ATP1A1: variants seen among roughly 807,000 people sequenced by gnomAD.
ATP1A1 encodes the protein sodium/potassium-transporting ATPase subunit alpha-1.
In ATP1A1, 14 loss-of-function variants were observed where a neutral mutation model predicts 114.8. The observed-to-expected ratio is 0.12, with a 90% CI of 0.08 to 0.19. The LOEUF (loss-of-function observed/expected upper bound fraction) is 0.19. Among genes scored for constraint, ATP1A1 ranks in the 10% least tolerant of loss-of-function variants. The pLI, the probability that ATP1A1 is intolerant of heterozygous loss-of-function variation, is 1.00. For missense variants in ATP1A1, 524 were observed against 1,290.7 expected, an observed-to-expected ratio of 0.41 and a Z score of 9.10; for synonymous variants, 471 against 466.3, an observed-to-expected ratio of 1.01 and a Z score of -0.13.
At position 116,389,049 on chromosome 1, in the gene ATP1A1, G is replaced by C; in HGVS notation, c.754+30G>C. 1 of 1,570,918 alleles carries C rather than the reference G, an allele frequency of 6.4e-7. No homozygotes were observed. The highest frequency in any genetic ancestry group is 1.1e-5 in the South Asian group (1 of 90,052). On this transcript the variant is annotated intron_variant, in intron 7 of 22. Coordinates refer to ENST00000295598, the MANE Select transcript of ATP1A1 (RefSeq NM_000701.8). The surrounding 1 kb of genome is among the most constrained non-coding windows in gnomAD (Gnocchi z 6.9). ...GCCATTTTTGGGCACTTTGAGCATG[G>C]CGTGGTATTTCTCTTGGGCATTAAC...
In ATP1A1 at chr1:116,373,501, G is replaced by A; in HGVS notation, c.-11G>A. The A allele has an allele frequency of 2.0e-6, 3 of 1,505,190 alleles. No homozygotes were observed. Among genetic ancestry groups the A allele is most frequent in the Non-Finnish European group, 2.7e-6 (3 of 1,127,570 alleles). 93.2% of individuals were successfully genotyped at this position (1,505,190 alleles called of 1,614,324 possible). On this transcript the variant is annotated 5_prime_UTR_variant, in exon 1 of 23. Coordinates refer to ENST00000295598, the MANE Select transcript of ATP1A1 (RefSeq NM_000701.8). ...GACAGGACCCGGCGCCGGGCACTGA[G>A]CACCGCCACCATGGGGAAGGGGGTG... is the stretch of plus-strand genomic sequence containing the variant.
At chr1:116,379,005 G>A (rs777718461) in intron 1 of ATP1A1, among the ~76,000 whole-genome samples, 1 of 152,220 alleles carries the variant, frequency 6.6e-6, no homozygotes, top group Non-Finnish European at 1.5e-5. Flanking sequence ...CTTAATAACT[G>A]TAAAAGCAAA....
intron 21 of ATP1A1, among the ~76,000 whole-genome samples, chr1:116,403,473 C>G (rs1362380307): frequency 6.6e-6 from 1 of 152,156 alleles, no homozygotes; most frequent in Non-Finnish European, 1.5e-5. Flanking sequence ...ACTGGCAGGT[C>G]TTTATCTTCA....
Position 116,373,434 on chromosome 1 carries a change from C to T in ATP1A1, c.-78C>T, listed in dbSNP as rs11540947. 0.084 allele frequency: 122,876 copies of T among 1,464,764 alleles called. 12,073 individuals are homozygous for T. Among genetic ancestry groups the T allele is most frequent in the African/African-American group, 0.5 (33,768 of 67,336 alleles). The allele number at this position is 1,464,764 out of a possible 1,614,324, so 90.7% of individuals were successfully genotyped here. On this transcript the variant is annotated 5_prime_UTR_variant, in exon 1 of 23. Coordinates refer to ENST00000295598, the MANE Select transcript of ATP1A1 (RefSeq NM_000701.8). Reference sequence around the variant, plus strand: ...CTTGGCTCCCCTGGTCCCGCTCGCTCGGCCGGGAGCTGCTCTGTGCTTTTC... The same window carrying T: ...CTTGGCTCCCCTGGTCCCGCTCGCTTGGCCGGGAGCTGCTCTGTGCTTTTC...
intron 1 of ATP1A1, 148 bp downstream of exon 1, chr1:116,373,671 A>T: frequency 1.0e-6 from 1 of 981,042 alleles, no homozygotes; most frequent in Non-Finnish European, 1.3e-6. Context: ...GCGGCTTAAA[A>T]GACGACGCAG....
chr1:116,399,310 T>C lies in ATP1A1; in HGVS notation c.2449-110T>C, dbSNP rs186049733. ...GATGGGAATCTTTATTTTTGTATACTTCACCTAAAAGATTTTTAAATGGGA... is the reference window on the plus strand; with the variant it reads ...GATGGGAATCTTTATTTTTGTATACCTCACCTAAAAGATTTTTAAATGGGA... On this transcript the variant is annotated intron_variant, in intron 17 of 22. Transcript: ENST00000295598. The surrounding 1 kb of genome is among the most constrained non-coding windows in gnomAD (Gnocchi z 5.0). 252 of 1,457,518 alleles carry C rather than the reference T, an allele frequency of 1.7e-4. No homozygotes were observed. Among genetic ancestry groups the C allele is most frequent in the Admixed American group, 4.5e-4 (21 of 46,394 alleles). 90.3% of individuals were successfully genotyped at this position (1,457,518 alleles called of 1,614,324 possible).
intron 1 of ATP1A1, among the ~76,000 whole-genome samples, chr1:116,375,647 A>G (rs1322029247): frequency 2.0e-5 from 3 of 152,132 alleles, no homozygotes; most frequent in Non-Finnish European, 4.4e-5. Flanking sequence ...ATTAAACATT[A>G]GTTTACTTGT....
In ATP1A1 at chr1:116,392,998, T is replaced by C. The variant is rs765354539; in HGVS notation, c.1467+10T>C. Reference sequence around the variant, plus strand: ...CACCAACAAGTACCAGGTCTGAAGATCGATGGGTACACGGAGGGCGAGGGC... The same window carrying C: ...CACCAACAAGTACCAGGTCTGAAGACCGATGGGTACACGGAGGGCGAGGGC... On this transcript the variant is annotated intron_variant, in intron 11 of 22. Coordinates refer to ENST00000295598, the MANE Select transcript of ATP1A1 (RefSeq NM_000701.8). 3.7e-6 allele frequency: 6 copies of C among 1,613,834 alleles called. No homozygotes were observed. Among genetic ancestry groups the C allele is most frequent in the Admixed American group, 1.7e-5 (1 of 59,998 alleles).
rs891262243 is a variant in ATP1A1 at position 116,394,068 on chromosome 1, CTT to C, written c.1660+346_1660+347del. On this transcript the variant is annotated intron_variant, in intron 12 of 22. Transcript: ENST00000295598. ...CTAACCTTTGTTGCTGTGGACATGACTTATAAGCCTAATTAAAGTTAATTAAT... is the reference window on the plus strand; with the variant it reads ...CTAACCTTTGTTGCTGTGGACATGACATAAGCCTAATTAAAGTTAATTAAT... Among the ~76,000 whole-genome samples the C allele has an allele frequency of 4.8e-4, 73 of 152,052 alleles. 2 individuals carry two copies. Among genetic ancestry groups the C allele is most frequent in the Admixed American group, 4.1e-3 (62 of 15,284 alleles).
intron 12 of ATP1A1, among the ~76,000 whole-genome samples, chr1:116,394,024 G>A (rs1652697354): frequency 1.3e-5 from 2 of 152,070 alleles, no homozygotes. Flanking sequence ...AAAAAATGGT[G>A]GAAGAATATC....
chr1:116,389,394 GGTTAGATACAATTAGGTACA>G lies in ATP1A1; in HGVS notation c.755-41_755-22del. 8 of 1,605,958 alleles carry G rather than the reference GGTTAGATACAATTAGGTACA, an allele frequency of 5.0e-6. No individual in the cohort carries two copies. The highest frequency in any genetic ancestry group is 6.0e-6 in the Non-Finnish European group (7 of 1,174,170). ...TGTGTAAAATCCGTGGCTTCCTTCA[GGTTAGATACAATTAGGTACA>G]GTTCTCCCTCCCCTTCTTTTTAAGG... On this transcript the variant is annotated intron_variant, in intron 7 of 22. Coordinates refer to ENST00000295598, the MANE Select transcript of ATP1A1 (RefSeq NM_000701.8). The surrounding 1 kb of genome is among the most constrained non-coding windows in gnomAD (Gnocchi z 6.9).
chr1:116,390,139 T>G, intron 8 of ATP1A1, 74 bp from the exon 9 acceptor site: 5 of 1,422,966 alleles, frequency 3.5e-6, no homozygotes, highest in Non-Finnish European at 4.9e-6. Context: ...TTCTTCCACA[T>G]TAGGATATAG....
rs901995617 is a variant in ATP1A1 at position 116,373,353 on chromosome 1, C to G, written c.-159C>G. ...AGCAACAGCGGCGGCGGCATCGGCC[C>G]GAGCCGCCGGCCGCCCTCCCACCCT... On this transcript the variant is annotated 5_prime_UTR_variant, in exon 1 of 23. Transcript: ENST00000295598. 2 of 656,882 alleles carry G rather than the reference C, an allele frequency of 3.0e-6. No homozygotes were observed. The highest frequency in any genetic ancestry group is 4.4e-6 in the Non-Finnish European group (2 of 459,416). 40.7% of individuals were successfully genotyped at this position (656,882 alleles called of 1,614,324 possible). A position where few individuals can be genotyped will look rare whatever the true frequency, so the allele number is the denominator to read the frequency against.
chr1:116,378,295 C>T (rs1458908164), intron 1 of ATP1A1, among the ~76,000 whole-genome samples: 1 of 152,200 alleles, frequency 6.6e-6, no homozygotes, highest in Non-Finnish European at 1.5e-5. Flanking sequence ...ATCTCTTTAT[C>T]TGGTTTTAGA....
chr1:116,403,866 A>G lies in ATP1A1; in HGVS notation c.2952-18A>G, dbSNP rs776074207. ...TGTGTTCGTGTGCATATAAATTGGT[A>G]CCTTACTCTATTTCCAGACCTACCT... On this transcript the variant is annotated intron_variant, in intron 21 of 22. Coordinates refer to ENST00000295598, the MANE Select transcript of ATP1A1 (RefSeq NM_000701.8). 3.1e-6 allele frequency: 5 copies of G among 1,597,962 alleles called. No homozygotes were observed. The South Asian group carries it at 5.5e-5, about 18-fold the overall frequency.
chr1:116,374,376 C>A, intron 1 of ATP1A1: 1 of 1,304,432 alleles, frequency 7.7e-7, no homozygotes, highest in Non-Finnish European at 1.1e-6. Flanking sequence ...GGAGGATAGG[C>A]AGACCCACCA....
rs1227707773 is a variant in ATP1A1, at chr1:116,388,357, A to G, written c.501+113A>G. On this transcript the variant is annotated intron_variant, in intron 5 of 22. Coordinates refer to ENST00000295598, the MANE Select transcript of ATP1A1 (RefSeq NM_000701.8). The surrounding 1 kb of genome is among the most constrained non-coding windows in gnomAD (Gnocchi z 5.6). ...AAGTATTACATGACTCATCAGAGAG[A>G]TGGATGTCTTCTACCCCACCCAAAA... The G allele has an allele frequency of 6.8e-6, 7 of 1,036,452 alleles. No homozygotes were observed. The highest frequency in any genetic ancestry group is 1.4e-5 in the South Asian group (1 of 70,890). The allele number at this position is 1,036,452 out of a possible 1,614,324, so 64.2% of individuals were successfully genotyped here. A position where few individuals can be genotyped will look rare whatever the true frequency, so the allele number is the denominator to read the frequency against.
intron 10 of ATP1A1, chr1:116,392,344 G>T (rs1652535200): frequency 6.6e-6 from 1 of 152,524 alleles, no homozygotes; most frequent in Non-Finnish European, 1.5e-5. Context: ...AGAATGCACA[G>T]TCTTCTACTT....
rs778357280 is a variant in ATP1A1 at position 116,399,521 on chromosome 1, C to T, written c.2550C>T (p.Ile850=). ...KTDKLVNERL[I]SMAYGQIGMI... The stretch of plus-strand genomic sequence containing the variant: ...ACAAACTTGTGAATGAGCGGCTGAT[C>T]AGCATGGCCTATGGGCAGATTGGTA... Residue 850 remains isoleucine (I), a synonymous_variant, in exon 18 of 23, where the codon ATC becomes ATT. Coordinates refer to ENST00000295598, the MANE Select transcript of ATP1A1 (RefSeq NM_000701.8). This position sits in a 1 kb window ranked among gnomAD's most constrained non-coding sequence, Gnocchi z 5.0. 1 of 1,614,110 alleles carries T rather than the reference C, an allele frequency of 6.2e-7. No homozygotes were observed. The highest frequency in any genetic ancestry group is 8.5e-7 in the Non-Finnish European group (1 of 1,180,006).
Sources: gnomAD v4.1 joint callset for allele counts (sites outside exome capture counted in the v4.1 genomes callset) on GRCh38, gnomAD v4.1.1 for gene constraint, Gnocchi (gnomAD v3.1) non-coding constraint, MANE v1.5 for transcripts, NCBI Gene and HGNC (gene_info 2026-07-23, HGNC 2026-07-21) for gene names.